Variants in KRT33B observed in about 807,000 individuals in gnomAD.
KRT33B encodes keratin 33B, also known as keratin, type I cuticular Ha3-II.
Under a neutral mutation model 42.7 loss-of-function variants are expected in KRT33B, and 37 were observed. That is an observed-to-expected ratio of 0.87 (90% CI 0.67 to 1.14). The LOEUF (loss-of-function observed/expected upper bound fraction) is 1.14. Ranked by LOEUF, KRT33B falls within the 50% of genes most tolerant of loss-of-function variation. The probability of loss-of-function intolerance (pLI) is 0.00; values close to 1 mark genes in which losing one functional copy is unlikely to be tolerated. For missense variants in KRT33B, 523 were observed against 515.1 expected (o/e 1.02, Z -0.15); for synonymous variants, 237 against 221.2 (o/e 1.07, Z -0.63).
chr17:41,364,093 T>C, intron 6 of KRT33B, 140 bp from the exon 7 acceptor site: 1 of 605,740 alleles, frequency 1.7e-6, no homozygotes, highest in Non-Finnish European at 2.9e-6. Flanking sequence ...TCACTCCTTC[T>C]ACAGAGTTCT....
At chr17:41,365,347 C>A in intron 4 of KRT33B, 45 bp downstream of exon 4, 1 of 1,609,984 alleles carries the variant, frequency 6.2e-7, no homozygotes, top group Non-Finnish European at 8.5e-7. Flanking sequence ...CTCCGGGGCC[C>A]TGGGGGGCCT....
rs568419970 is a variant in KRT33B at position 41,366,035 on chromosome 17, G to A, written c.588+435C>T. Among the ~76,000 whole-genome samples, 10 of 151,250 alleles carry A rather than the reference G, an allele frequency of 6.6e-5. No individual in the cohort carries two copies. In the South Asian group the frequency reaches 1.2e-3, roughly 19 times the overall value. ...TTATTTGAGTTATTTCATTTCTCCC[G>A]TTTTTCCCATCCATCAGTTCATCCA... On this transcript the variant is annotated intron_variant, in intron 3 of 6. Coordinates refer to ENST00000251646, the MANE Select transcript of KRT33B (RefSeq NM_002279.5).
intron 5 of KRT33B, 88 bp from the exon 6 acceptor site, chr17:41,365,087 C>A: frequency 6.2e-7 from 1 of 1,609,530 alleles, no homozygotes; most frequent in Non-Finnish European, 8.5e-7. Context: ...GCTCCAAGAG[C>A]TAAGAAGAGT....
At position 41,369,460 on chromosome 17, in the gene KRT33B, G is replaced by T. The variant is rs759205681; in HGVS notation, c.291C>A (p.Pro97=). Reference sequence around the variant, plus strand: ...AGGACTGGTAGCTGGGGCACAGCAAGGGCTCCTGCTGCTGAGACCGCTCCC... The same window carrying T: ...AGGACTGGTAGCTGGGGCACAGCAATGGCTCCTGCTGCTGAGACCGCTCCC... ...LIRERSQQQE[P]LLCPSYQSYF... The change falls in exon 1 of 7, where the codon CCC becomes CCA. Residue 97 remains proline, a synonymous_variant. Coordinates refer to ENST00000251646, the MANE Select transcript of KRT33B (RefSeq NM_002279.5). 1 of 1,613,550 alleles carries T rather than the reference G, an allele frequency of 6.2e-7. No individual in the cohort carries two copies. The highest frequency in any genetic ancestry group is 1.7e-5 in the Admixed American group (1 of 60,016).
In KRT33B at chr17:41,365,474, T is replaced by C. The variant is rs61741663; in HGVS notation, c.668A>G (p.Gln223Arg). The change falls in exon 4 of 7, where the codon CAG becomes CGG. Residue 223 changes from glutamine (Q) to arginine (R), a missense_variant. Transcript: ENST00000251646. ...CTGATTCCTGGTCTCGTTCAGGACC[T>C]GGTTCAGGTCCACAGCGGGAGCAGC... ...VDAAPAVDLN[Q>R]VLNETRNQYE... 2.9e-3 allele frequency: 4,655 copies of C among 1,613,028 alleles called. 360 individuals carry two copies. In the African/African-American group the frequency reaches 0.056, roughly 19 times the overall value.
intron 4 of KRT33B, 36 bp from the exon 5 acceptor site, chr17:41,365,336 C>A (rs775148923): frequency 6.8e-6 from 11 of 1,610,474 alleles, no homozygotes; most frequent in Non-Finnish European, 8.5e-6. Flanking sequence ...TCAGACCCTG[C>A]CTCCGGGGCC....
Position 41,363,648 on chromosome 17 carries a change from T to G in KRT33B, c.*188A>C. 1 of 485,262 alleles carries G rather than the reference T, an allele frequency of 2.1e-6. No individual in the cohort carries two copies. The highest frequency in any genetic ancestry group is 3.7e-6 in the Non-Finnish European group (1 of 272,344). The allele number at this position is 485,262 out of a possible 1,614,324, so 30.1% of individuals were successfully genotyped here. ...CTGACTACAGGAGAGGGACCTGGGG[T>G]GAGGAGGATCAAGTAGCCCTAGGCT... On this transcript the variant is annotated 3_prime_UTR_variant, in exon 7 of 7. Transcript: ENST00000251646.
At chr17:41,367,782 T>C in intron 2 of KRT33B, 126 bp downstream of exon 2, 1 of 790,688 alleles carries the variant, frequency 1.3e-6, no homozygotes, top group South Asian at 1.6e-5. Flanking sequence ...TTTAACCTAA[T>C]CCTAACCCAA....
At chr17:41,364,740 G>T (rs2017671417) in intron 6 of KRT33B, 39 bp downstream of exon 6, 1 of 1,610,202 alleles carries the variant, frequency 6.2e-7, no homozygotes, top group East Asian at 2.2e-5. Flanking sequence ...GTAGAACAGT[G>T]CCTGTCCCTT....
chr17:41,366,590 C>T lies in KRT33B; in HGVS notation c.468G>A (p.Glu156=), dbSNP rs771362414. ...QTEQSLRQLV[E]SDINSLRRIL... ...TCCTGCGCAGGCTGTTGATGTCGGA[C>T]TCCACCAGCTGCCGCAGGGACTGCT... The change falls in exon 3 of 7, where the codon GAG becomes GAA. Residue 156 remains glutamate (E), a synonymous_variant. Transcript: ENST00000251646. 4 of 1,612,218 alleles carry T rather than the reference C, an allele frequency of 2.5e-6. No homozygotes were observed. In the South Asian group the frequency reaches 4.4e-5, roughly 18 times the overall value.
At chr17:41,364,314 TGTTA>T (rs1260444230) in intron 6 of KRT33B, among the ~76,000 whole-genome samples, 1 of 151,440 alleles carries the variant, frequency 6.6e-6, no homozygotes, top group Admixed American at 6.6e-5. Context: ...ACTGCTGTAC[TGTTA>T]GTTATTGATC....
intron 1 of KRT33B, among the ~76,000 whole-genome samples, chr17:41,368,446 A>G (rs539330143): frequency 3.3e-5 from 5 of 151,396 alleles, no homozygotes; most frequent in African/African-American, 1.2e-4. Context: ...GAATGCCCTC[A>G]CCCACTAGCA....
In KRT33B at chr17:41,366,535, C is replaced by T. The variant is rs202206914; in HGVS notation, c.523G>A (p.Asp175Asn). Reference sequence around the variant, plus strand: ...AGGGACTCCATCTGGGCCTCCAGGTCAGACCTGCACAGGGTCAGCTCATCC... The same window carrying T: ...AGGGACTCCATCTGGGCCTCCAGGTTAGACCTGCACAGGGTCAGCTCATCC... ...ILDELTLCRS[D>N]LEAQMESLKE... is the part of the protein sequence containing the mutation. Residue 175 changes from aspartate to asparagine, a missense_variant, in exon 3 of 7, where the codon GAC becomes AAC. Coordinates refer to ENST00000251646, the MANE Select transcript of KRT33B (RefSeq NM_002279.5). The T allele has an allele frequency of 2.0e-4, 322 of 1,612,724 alleles. 4 individuals carry two copies. The South Asian group carries it at 2.6e-3, about 13-fold the overall frequency.
At chr17:41,365,026 A>T in intron 5 of KRT33B, 27 bp from the exon 6 acceptor site, 2 of 1,612,976 alleles carry the variant, frequency 1.2e-6, no homozygotes, top group Middle Eastern at 3.3e-4. Flanking sequence ...CAGGAATGTC[A>T]GAGAGCTGCT....
chr17:41,366,405 C>T (rs2017700653), intron 3 of KRT33B, 65 bp downstream of exon 3: 2 of 1,585,750 alleles, frequency 1.3e-6, no homozygotes, highest in Non-Finnish European at 1.7e-6. Flanking sequence ...TCAAATCCTA[C>T]CTTATCCTAT....
At position 41,363,548 on chromosome 17, in the gene KRT33B, G is replaced by A. The variant is rs986309131; in HGVS notation, c.*288C>T. 3.2e-6 allele frequency: 1 copy of A among 315,428 alleles called. No individual in the cohort carries two copies. Among genetic ancestry groups the A allele is most frequent in the Non-Finnish European group, 5.8e-6 (1 of 173,712 alleles). The allele number at this position is 315,428 out of a possible 1,614,324, so 19.5% of individuals were successfully genotyped here. ...GGCGATTTGGGGAACTGCAATAAAG[G>A]TAGAAGCAGCAGAGAGAACAAAACA... is the stretch of plus-strand genomic sequence containing the variant. On this transcript the variant is annotated 3_prime_UTR_variant, in exon 7 of 7. Coordinates refer to ENST00000251646, the MANE Select transcript of KRT33B (RefSeq NM_002279.5).
chr17:41,364,758 T>A lies in KRT33B; in HGVS notation c.1097+21A>T. On this transcript the variant is annotated intron_variant, in intron 6 of 6. Transcript: ENST00000251646. ...GAACAGTGCCTGTCCCTTGCAGGGG[T>A]GCCGTCCGCCAGGTACTCACTTGCA... 1.9e-6 allele frequency: 3 copies of A among 1,612,074 alleles called. No homozygotes were observed. The South Asian group carries it at 3.3e-5, about 18-fold the overall frequency.
Position 41,365,460 on chromosome 17 carries a change from T to C in KRT33B, c.682A>G (p.Thr228Ala), listed in dbSNP as rs1307982214. The change falls in exon 4 of 7, where the codon ACC (threonine) becomes GCC (alanine). Residue 228 changes from threonine (T) to alanine (A), a missense_variant. Physicochemically the swap from Thr to Ala is moderately conservative, Grantham distance 58. Coordinates refer to ENST00000251646, the MANE Select transcript of KRT33B (RefSeq NM_002279.5). ...AVDLNQVLNETRNQYEALVET... is the reference protein window; with the variant it reads ...AVDLNQVLNEARNQYEALVET... ...ACCAGGGCCTCATACTGATTCCTGG[T>C]CTCGTTCAGGACCTGGTTCAGGTCC... The C allele has an allele frequency of 1.9e-6, 3 of 1,612,956 alleles. No individual in the cohort carries two copies. Among genetic ancestry groups the C allele is most frequent in the Admixed American group, 3.3e-5 (2 of 59,952 alleles).
rs552080261 is a variant in KRT33B, at chr17:41,368,055, G to A, written c.349-65C>T. 14 of 1,492,690 alleles carry A rather than the reference G, an allele frequency of 9.4e-6. 1 individual carries two copies. In the Middle Eastern group the frequency reaches 7.3e-4, roughly 77 times the overall value. The allele number at this position is 1,492,690 out of a possible 1,614,324, so 92.5% of individuals were successfully genotyped here. A position where few individuals can be genotyped will look rare whatever the true frequency, so the allele number is the denominator to read the frequency against. On this transcript the variant is annotated intron_variant, in intron 1 of 6. Coordinates refer to ENST00000251646, the MANE Select transcript of KRT33B (RefSeq NM_002279.5). ...AATGCCTTGTGCCTTAAAGTGAAAT[G>A]CTATTTTCTTTCAGCCACATTCCTC... is the stretch of plus-strand genomic sequence containing the variant.
Sources: gnomAD v4.1 joint callset for allele counts (sites outside exome capture counted in the v4.1 genomes callset) on GRCh38, gnomAD v4.1.1 for gene constraint, MANE v1.5 for transcripts, NCBI Gene and HGNC (gene_info 2026-07-23, HGNC 2026-07-21) for gene names.